Variants in TTPA observed in about 807,000 individuals in gnomAD.
The protein encoded by TTPA is alpha tocopherol transfer protein.
Under a neutral mutation model 25.9 loss-of-function variants are expected in TTPA, and 23 were observed. That is an observed-to-expected ratio of 0.89 (90% confidence interval 0.64 to 1.26). The LOEUF is 1.26. Ranked by LOEUF, TTPA falls within the 50% of genes most tolerant of loss-of-function variation. TTPA has a pLI of 0.00. For missense variants in TTPA, 337 were observed against 353.1 expected, an observed-to-expected ratio of 0.95 and a Z score of 0.37; for synonymous variants, 148 against 137.3, an observed-to-expected ratio of 1.08 and a Z score of -0.54.
chr8:63,081,508 A>G (rs1467684380), intron 1 of TTPA, among the ~76,000 whole-genome samples: 1 of 152,230 alleles, frequency 6.6e-6, no homozygotes, highest in Non-Finnish European at 1.5e-5. Context: ...AATAAGAGGT[A>G]TTTATGACAG....
In TTPA at chr8:63,073,165, C is replaced by T. The variant is rs1805510966; in HGVS notation, c.205-77G>A. The T allele has an allele frequency of 2.5e-6, 3 of 1,223,192 alleles. No individual in the cohort carries two copies. In the South Asian group the frequency reaches 3.8e-5, roughly 16 times the overall value. 75.8% of individuals were successfully genotyped at this position (1,223,192 alleles called of 1,614,324 possible). ...TGTAAAAATGGAAGAAAAGCTTTGGCATTGTGTATAAACTTTGCCATCCAT... is the reference window on the plus strand; with the variant it reads ...TGTAAAAATGGAAGAAAAGCTTTGGTATTGTGTATAAACTTTGCCATCCAT... On this transcript the variant is annotated intron_variant, in intron 1 of 4. Transcript: ENST00000260116.
intron 2 of TTPA, among the ~76,000 whole-genome samples, chr8:63,066,624 A>AC (rs1341548581): frequency 1.3e-5 from 2 of 152,140 alleles, no homozygotes; most frequent in Non-Finnish European, 2.9e-5. Flanking sequence ...CCACGGAAGC[A>AC]CTTAGGTAGC....
intron 2 of TTPA, among the ~76,000 whole-genome samples, chr8:63,067,563 AG>A (rs1805413701): frequency 6.6e-6 from 1 of 152,006 alleles, no homozygotes; most frequent in Admixed American, 6.5e-5. Flanking sequence ...AAACAACAAA[AG>A]TTCTGGCATG....
chr8:63,072,974 T>G lies in TTPA; in HGVS notation c.319A>C (p.Arg107=). ...AGAACTTTGCTGCCAGTGGGATCCCTGGATCTCAGGACTCCATGGTAGCCA... is the reference window on the plus strand; with the variant it reads ...AGAACTTTGCTGCCAGTGGGATCCCGGGATCTCAGGACTCCATGGTAGCCA... ...KAGYHGVLRS[R]DPTGSKVLIY... is the part of the protein sequence containing the mutation. Residue 107 remains arginine (R), a synonymous_variant, in exon 2 of 5, where the codon AGG becomes CGG. Coordinates refer to ENST00000260116, the MANE Select transcript of TTPA (RefSeq NM_000370.3). The G allele has an allele frequency of 6.2e-7, 1 of 1,613,892 alleles. No homozygotes were observed. The highest frequency in any genetic ancestry group is 8.5e-7 in the Non-Finnish European group (1 of 1,179,842).
At position 63,064,163 on chromosome 8, in the gene TTPA, T is replaced by C. The variant is rs377617923; in HGVS notation, c.663+43A>G. 2.2e-6 allele frequency: 3 copies of C among 1,387,004 alleles called. No individual in the cohort carries two copies. The African/African-American group carries it at 4.3e-5, about 20-fold the overall frequency. 85.9% of individuals were successfully genotyped at this position (1,387,004 alleles called of 1,614,324 possible). A position where few individuals can be genotyped will look rare whatever the true frequency, so the allele number is the denominator to read the frequency against. ...ATCCTTAAATTAAAAAGGGTTGGAA[T>C]GTTTGGTGTAGAGGAACACAGACTT... On this transcript the variant is annotated intron_variant, in intron 4 of 4. Coordinates refer to ENST00000260116, the MANE Select transcript of TTPA (RefSeq NM_000370.3).
At chr8:63,066,833 A>G (rs1026429466) in intron 2 of TTPA, among the ~76,000 whole-genome samples, 5 of 152,210 alleles carry the variant, frequency 3.3e-5, no homozygotes, top group Non-Finnish European at 7.3e-5. Flanking sequence ...ACATCCATAC[A>G]CACACAAAGA....
chr8:63,069,283 A>G (rs965048262), intron 2 of TTPA, among the ~76,000 whole-genome samples: 4 of 146,164 alleles, frequency 2.7e-5, no homozygotes, highest in Admixed American at 2.1e-4. Context: ...GCTGAATGCT[A>G]TAATGATTAA....
intron 1 of TTPA, among the ~76,000 whole-genome samples, chr8:63,078,561 T>C (rs564376729): frequency 6.6e-6 from 1 of 152,248 alleles, no homozygotes; most frequent in Admixed American, 6.5e-5. Context: ...CAGTAGCTGA[T>C]TCCATCAAGT....
intron 1 of TTPA, among the ~76,000 whole-genome samples, chr8:63,075,698 C>CAAAA (rs751066913): frequency 9.0e-4 from 51 of 56,932 alleles, no homozygotes; most frequent in East Asian, 2.0e-3. Context: ...GACTCCGTCT[C>CAAAA]AAAAAAAAAA....
At chr8:63,078,127 G>A (rs1205862080) in intron 1 of TTPA, among the ~76,000 whole-genome samples, 1 of 152,184 alleles carries the variant, frequency 6.6e-6, no homozygotes, top group Non-Finnish European at 1.5e-5. Flanking sequence ...CAAACAGACA[G>A]GAATAGCGCC....
At chr8:63,059,177 G>T (rs1163375343), downstream of TTPA, among the ~76,000 whole-genome samples, 1 of 148,402 alleles carries the variant, frequency 6.7e-6, no homozygotes, top group Admixed American at 6.7e-5. Context: ...GACTACAGGC[G>T]CCCGCCACTA....
intron 1 of TTPA, among the ~76,000 whole-genome samples, chr8:63,080,041 G>A (rs1438536974): frequency 6.6e-6 from 1 of 152,164 alleles, no homozygotes; most frequent in African/African-American, 2.4e-5. Flanking sequence ...CAACTACATG[G>A]AAACTGAACC....
At chr8:63,065,010 C>T (rs947972842) in intron 3 of TTPA, among the ~76,000 whole-genome samples, 1 of 152,158 alleles carries the variant, frequency 6.6e-6, no homozygotes, top group South Asian at 2.1e-4. Context: ...TAATTTTCAT[C>T]CCGTTGTGTT....
At chr8:63,078,027 G>A (rs904101870) in intron 1 of TTPA, among the ~76,000 whole-genome samples, 13 of 152,186 alleles carry the variant, frequency 8.5e-5, no homozygotes, top group Admixed American at 3.3e-4. Flanking sequence ...CTTCGCTGGT[G>A]ACACCCAGGC....
At chr8:63,075,068 T>A (rs1459767870) in intron 1 of TTPA, among the ~76,000 whole-genome samples, 2 of 152,220 alleles carry the variant, frequency 1.3e-5, no homozygotes, top group East Asian at 3.9e-4. Flanking sequence ...TATCCACTGA[T>A]ACATAAATTC....
At chr8:63,074,450 G>GA (rs1371355648) in intron 1 of TTPA, among the ~76,000 whole-genome samples, 1 of 151,890 alleles carries the variant, frequency 6.6e-6, no homozygotes, top group East Asian at 1.9e-4. Flanking sequence ...TCTTAACTTT[G>GA]AAAAAAGAGA....
At chr8:63,065,376 A>G (rs1052518468) in intron 3 of TTPA, among the ~76,000 whole-genome samples, 15 of 152,186 alleles carry the variant, frequency 9.9e-5, no homozygotes, top group Non-Finnish European at 1.9e-4. Flanking sequence ...ATTAAAAGAT[A>G]ATGCATTTGA....
intron 1 of TTPA, among the ~76,000 whole-genome samples, chr8:63,083,634 A>AT (rs1805698747): frequency 7.7e-6 from 1 of 129,988 alleles, no homozygotes; most frequent in Admixed American, 7.2e-5. Flanking sequence ...TTAAAGTATA[A>AT]TAAAAAAAAA....
At chr8:63,058,700 C>T (rs185821934), downstream of TTPA, among the ~76,000 whole-genome samples, 363 of 133,370 alleles carry the variant, frequency 2.7e-3, 3 homozygotes, top group African/African-American at 0.01. Context: ...ATTCTATTTA[C>T]TATGGAACCT....
Sources: gnomAD v4.1 joint callset for allele counts (sites outside exome capture counted in the v4.1 genomes callset) on GRCh38, gnomAD v4.1.1 for gene constraint, MANE v1.5 for transcripts, NCBI Gene and HGNC (gene_info 2026-07-23, HGNC 2026-07-21) for gene names.